KIRREL3: variants seen among roughly 807,000 people sequenced by gnomAD.
The protein encoded by KIRREL3 is kirre like nephrin family adhesion molecule 3, also known as kin of IRRE-like protein 3.
In KIRREL3, 36 loss-of-function variants were observed where a neutral mutation model predicts 89.7. The observed-to-expected ratio is 0.40, with a 90% CI of 0.31 to 0.53. The LOEUF (loss-of-function observed/expected upper bound fraction) is 0.53, where lower values mean the gene tolerates loss of function less well. KIRREL3 is among the 20% of genes least tolerant of loss of function. The probability of loss-of-function intolerance (pLI) is 0.49; values close to 1 mark genes in which losing one functional copy is unlikely to be tolerated. For missense variants in KIRREL3, 864 were observed against 1,056.6 expected (o/e 0.82, Z 2.53); for synonymous variants, 445 against 441.4 (o/e 1.01, Z -0.10).
intron 1 of KIRREL3, among the ~76,000 whole-genome samples, chr11:126,866,746 A>G (rs1045750851): frequency 2.0e-5 from 3 of 152,128 alleles, no homozygotes; most frequent in Non-Finnish European, 4.4e-5. Context: ...CTGGCAGGCC[A>G]TCAACGGCAG....
rs1948410160 is a variant in KIRREL3 at position 126,940,667 on chromosome 11, G to T, written c.55+59788C>A. ...TTTACATTCTAAGGCCATGTTCTTA[G>T]TATTGAACTTGACCACACAGCTCAT... On this transcript the variant is annotated intron_variant, in intron 1 of 16. Transcript: ENST00000525144. The surrounding 1 kb of genome is among the most constrained non-coding windows in gnomAD (Gnocchi z 4.6). The T allele has an allele frequency of 6.6e-6, 1 of 152,176 alleles. No individual in the cohort carries two copies. The allele number at this position is 152,176 out of a possible 1,614,324, so 9.4% of individuals were successfully genotyped here.
intron 1 of KIRREL3, among the ~76,000 whole-genome samples, chr11:126,590,690 TAATTA>T (rs1326873444): frequency 6.6e-6 from 1 of 152,094 alleles, no homozygotes; most frequent in Non-Finnish European, 1.5e-5. Flanking sequence ...ATGGAGGGTG[TAATTA>T]GGGCTTGAGC....
intron 11 of KIRREL3, 193 bp downstream of exon 11, chr11:126,440,256 T>G (rs570098055): frequency 8.5e-6 from 6 of 706,028 alleles, no homozygotes; most frequent in South Asian, 6.0e-5. Flanking sequence ...GGGAGAGCAC[T>G]GCCTGTTCTG....
Position 126,521,656 on chromosome 11 carries a change from TTCTC to T in KIRREL3, c.284-196_284-193del, listed in dbSNP as rs749386420. Among the ~76,000 whole-genome samples the T allele has an allele frequency of 1.3e-5, 2 of 148,264 alleles. No individual in the cohort carries two copies. The highest frequency in any genetic ancestry group is 5.0e-5 in the African/African-American group (2 of 39,952). On this transcript the variant is annotated intron_variant, in intron 3 of 16. Transcript: ENST00000525144. This position sits in a 1 kb window ranked among gnomAD's most constrained non-coding sequence, Gnocchi z 4.1. Reference sequence around the variant, plus strand: ...TTTCCCAAGGCATTGAAGGTGTTGGTTCTCTCTCTCTCTCTCTGTATGTGTGTGT... The same window carrying T: ...TTTCCCAAGGCATTGAAGGTGTTGGTTCTCTCTCTCTCTGTATGTGTGTGT...
At chr11:126,681,016 G>T (rs139656837) in intron 1 of KIRREL3, among the ~76,000 whole-genome samples, 1 of 152,156 alleles carries the variant, frequency 6.6e-6, no homozygotes, top group East Asian at 1.9e-4. Flanking sequence ...AAATGAAACC[G>T]GCTAAGGCAA....
At chr11:126,583,956 T>C (rs1375761087) in intron 1 of KIRREL3, among the ~76,000 whole-genome samples, 4 of 152,206 alleles carry the variant, frequency 2.6e-5, no homozygotes, top group Admixed American at 2.6e-4. Context: ...CAATACTATA[T>C]TATTTCCTCC....
At chr11:126,910,057 C>T (rs1946753785) in intron 1 of KIRREL3, among the ~76,000 whole-genome samples, 1 of 152,118 alleles carries the variant, frequency 6.6e-6, no homozygotes, top group Non-Finnish European at 1.5e-5. Context: ...TCTATCTGAA[C>T]TCAAAGCAAC....
intron 1 of KIRREL3, among the ~76,000 whole-genome samples, chr11:126,914,316 C>T (rs1314489288): frequency 6.6e-6 from 1 of 152,166 alleles, no homozygotes; most frequent in Non-Finnish European, 1.5e-5. Flanking sequence ...GAAGTATATA[C>T]AAAGCAATAC....
chr11:126,435,154 G>A (rs1955272493), intron 13 of KIRREL3, 114 bp downstream of exon 13: 4 of 1,087,108 alleles, frequency 3.7e-6, no homozygotes, highest in Non-Finnish European at 5.6e-6. Flanking sequence ...GGGGGAGGGC[G>A]GAGACACTAG....
rs533314475 is a variant in KIRREL3 at position 126,535,797 on chromosome 11, C to A, written c.134-9110G>T. On this transcript the variant is annotated intron_variant, in intron 2 of 16. Coordinates refer to ENST00000525144, the MANE Select transcript of KIRREL3 (RefSeq NM_032531.4). This position sits in a 1 kb window ranked among gnomAD's most constrained non-coding sequence, Gnocchi z 4.5. ...GTCAGGGGTTCGAGACCAGCCTGAC[C>A]AACATGGTGAAACCCCGTCTCTACT... is the stretch of plus-strand genomic sequence containing the variant. Among the ~76,000 whole-genome samples, 1 of 152,194 alleles carries A rather than the reference C, an allele frequency of 6.6e-6. No homozygotes were observed. Among genetic ancestry groups the A allele is most frequent in the African/African-American group, 2.4e-5 (1 of 41,446 alleles).
At position 126,876,893 on chromosome 11, in the gene KIRREL3, A is replaced by C. The variant is rs748424339; in HGVS notation, c.55+123562T>G. 3.3e-5 allele frequency among the ~76,000 whole-genome samples: 5 copies of C among 152,180 alleles called. No individual in the cohort carries two copies. The highest frequency in any genetic ancestry group is 7.4e-5 in the Non-Finnish European group (5 of 68,026). ...TCTTCTTTATGGAGCCAAAATTTTCACAATTGATAACCCTTACAGTAGATT... is the reference window on the plus strand; with the variant it reads ...TCTTCTTTATGGAGCCAAAATTTTCCCAATTGATAACCCTTACAGTAGATT... On this transcript the variant is annotated intron_variant, in intron 1 of 16. Transcript: ENST00000525144. This position sits in a 1 kb window ranked among gnomAD's most constrained non-coding sequence, Gnocchi z 4.1.
chr11:126,730,119 C>T (rs1173387119), intron 1 of KIRREL3, among the ~76,000 whole-genome samples: 1 of 152,194 alleles, frequency 6.6e-6, no homozygotes. Flanking sequence ...TCTTCTCATT[C>T]AGAATTCCCC....
intron 1 of KIRREL3, among the ~76,000 whole-genome samples, chr11:126,850,485 G>A (rs1944304879): frequency 6.6e-6 from 1 of 152,142 alleles, no homozygotes; most frequent in Non-Finnish European, 1.5e-5. Flanking sequence ...TGTCCTCCAG[G>A]CCTGTCCTCA....
intron 1 of KIRREL3, among the ~76,000 whole-genome samples, chr11:126,845,935 T>C (rs989913623): frequency 5.9e-5 from 9 of 152,024 alleles, no homozygotes; most frequent in South Asian, 2.1e-4. Flanking sequence ...CAGACCTTGT[T>C]TGGGGGGAAA....
At chr11:126,679,382 T>C (rs138086731) in intron 1 of KIRREL3, among the ~76,000 whole-genome samples, 117 of 152,340 alleles carry the variant, frequency 7.7e-4, no homozygotes, top group African/African-American at 2.7e-3. Flanking sequence ...AATGGCTCCA[T>C]TTATTGAGCA....
chr11:126,872,715 G>T lies in KIRREL3; in HGVS notation c.55+127740C>A, dbSNP rs1945148701. ...GCTTGTTTTCATCTTTGTCAGTGTG[G>T]GTACTTTCCTGCTCTGTGCTGCCAG... On this transcript the variant is annotated intron_variant, in intron 1 of 16. Transcript: ENST00000525144. The surrounding 1 kb of genome is among the most constrained non-coding windows in gnomAD (Gnocchi z 4.2). Among the ~76,000 whole-genome samples, 1 of 152,140 alleles carries T rather than the reference G, an allele frequency of 6.6e-6. No homozygotes were observed. The highest frequency in any genetic ancestry group is 2.4e-5 in the African/African-American group (1 of 41,422).
chr11:126,484,813 AT>A lies in KIRREL3; in HGVS notation c.434-11348del, dbSNP rs200054144. Among the ~76,000 whole-genome samples the A allele has an allele frequency of 0.2, 28,529 of 139,528 alleles. 2,887 individuals are homozygous for A. The highest frequency in any genetic ancestry group is 0.34 in the Admixed American group (4,781 of 14,032). The allele number at this position is 139,528 out of a possible 152,430, so 91.5% of individuals were successfully genotyped here. The stretch of plus-strand genomic sequence containing the variant: ...AGATGTGGGGCAAGATGCAAATGGG[AT>A]TTTTTTTTTTTTTTTTCTGAGACGG... On this transcript the variant is annotated intron_variant, in intron 4 of 16. Transcript: ENST00000525144. This position sits in a 1 kb window ranked among gnomAD's most constrained non-coding sequence, Gnocchi z 5.2.
At position 126,981,722 on chromosome 11, in the gene KIRREL3, T is replaced by A. The variant is rs1324899079; in HGVS notation, c.55+18733A>T. Among the ~76,000 whole-genome samples the A allele has an allele frequency of 6.6e-6, 1 of 152,148 alleles. No homozygotes were observed. Among genetic ancestry groups the A allele is most frequent in the African/African-American group, 2.4e-5 (1 of 41,446 alleles). On this transcript the variant is annotated intron_variant, in intron 1 of 16. Transcript: ENST00000525144. The surrounding 1 kb of genome is among the most constrained non-coding windows in gnomAD (Gnocchi z 4.2). ...CATCCTTGGAGTAGGTTCCTGAGCT[T>A]GGTGCCTGGGGAACTGGGGAAGGCC...
intron 1 of KIRREL3, among the ~76,000 whole-genome samples, chr11:126,803,521 T>A (rs1357965825): frequency 1.3e-5 from 2 of 152,200 alleles, no homozygotes; most frequent in African/African-American, 4.8e-5. Flanking sequence ...TATTTATTAT[T>A]GTACATGTAT....
Sources: allele counts gnomAD v4.1 joint callset (sites outside exome capture counted in the v4.1 genomes callset), GRCh38; gene constraint gnomAD v4.1.1; non-coding constraint Gnocchi (gnomAD v3.1); transcripts MANE v1.5; gene names NCBI Gene and HGNC (gene_info 2026-07-23, HGNC 2026-07-21).